The following GRIN2B variants were observed in gnomAD, a reference collection of about 807,000 sequenced individuals.
GRIN2B encodes glutamate receptor ionotropic, NMDA 2B.
Under a neutral mutation model 114.5 loss-of-function variants are expected in GRIN2B, and 5 were observed. The ratio of observed to expected loss-of-function variants is 0.04; its 90% CI spans 0.02 to 0.09. GRIN2B has a LOEUF of 0.09. Among genes scored for constraint, GRIN2B ranks in the 10% least tolerant of loss-of-function variants. The pLI is 1.00. For synonymous variants in GRIN2B, 787 were observed against 745.1 expected (o/e 1.06, Z -0.92); for missense variants, 1,108 against 1,943.5 (o/e 0.57, Z 8.08).
At chr12:13,875,984 T>C (rs1022160980) in intron 2 of GRIN2B, among the ~76,000 whole-genome samples, 23 of 152,148 alleles carry the variant, frequency 1.5e-4, no homozygotes, top group Non-Finnish European at 1.5e-5. Context: ...TACAGTATCA[T>C]GTGAGAGGGC....
At chr12:13,608,893 T>C (rs1555110896) in intron 9 of GRIN2B, 61 bp from the exon 10 acceptor site, 1 of 1,208,874 alleles carries the variant, frequency 8.3e-7, no homozygotes, top group Non-Finnish European at 1.2e-6. Flanking sequence ...TGTTGAAACC[T>C]ACAAATACAC....
intron 2 of GRIN2B, among the ~76,000 whole-genome samples, chr12:13,940,707 G>GT (rs1266475441): frequency 6.6e-6 from 1 of 151,640 alleles, no homozygotes; most frequent in Admixed American, 6.6e-5. Flanking sequence ...GAAATAACAG[G>GT]TGGCCTGGCT....
chr12:13,855,582 G>A lies in GRIN2B; in HGVS notation c.411+10216C>T, dbSNP rs533603730. 6.6e-5 allele frequency among the ~76,000 whole-genome samples: 10 copies of A among 152,186 alleles called. No individual in the cohort carries two copies. In the East Asian group the frequency reaches 1.2e-3, roughly 18 times the overall value. The stretch of plus-strand genomic sequence containing the variant: ...TTCCTTGCCTCTTCCAGTTTCTGGC[G>A]GCTTTCCTAGCTTGTAGCTCAACAA... On this transcript the variant is annotated intron_variant, in intron 3 of 13. Coordinates refer to ENST00000609686, the MANE Select transcript of GRIN2B (RefSeq NM_000834.5).
intron 2 of GRIN2B, among the ~76,000 whole-genome samples, chr12:13,921,958 C>G (rs930242906): frequency 4.6e-5 from 7 of 152,120 alleles, no homozygotes; most frequent in African/African-American, 1.7e-4. Context: ...AAATATGCAA[C>G]CTTGACCAAG....
chr12:13,825,357 G>A (rs1404319549), intron 3 of GRIN2B, among the ~76,000 whole-genome samples: 1 of 150,718 alleles, frequency 6.6e-6, no homozygotes, highest in Non-Finnish European at 1.5e-5. Flanking sequence ...TTTCTACCTT[G>A]GTAAATATAA....
intron 5 of GRIN2B, among the ~76,000 whole-genome samples, chr12:13,650,229 C>T (rs1949800651): frequency 6.6e-6 from 1 of 152,042 alleles, no homozygotes; most frequent in Admixed American, 6.6e-5. Flanking sequence ...TGGACACTCC[C>T]TTCATATGAA....
At chr12:13,565,233 C>T (rs937483985) in intron 13 of GRIN2B, among the ~76,000 whole-genome samples, 1 of 152,102 alleles carries the variant, frequency 6.6e-6, no homozygotes, top group African/African-American at 2.4e-5. Flanking sequence ...CAAGCATGAA[C>T]AAAATTCACA....
rs1038313553 is a variant in GRIN2B, at chr12:13,547,752, C to A, written c.*15031G>T. The A allele has an allele frequency of 6.6e-6, 1 of 151,772 alleles. No homozygotes were observed. The highest frequency in any genetic ancestry group is 2.4e-5 in the African/African-American group (1 of 41,360). The allele number at this position is 151,772 out of a possible 1,614,324, so 9.4% of individuals were successfully genotyped here. A position where few individuals can be genotyped will look rare whatever the true frequency, so the allele number is the denominator to read the frequency against. On this transcript the variant is annotated 3_prime_UTR_variant, in exon 14 of 14. Coordinates refer to ENST00000609686, the MANE Select transcript of GRIN2B (RefSeq NM_000834.5). ...ACTGAAGTAAAGACACTGTAAATCT[C>A]AAAAATACTCCAACTTCCCTGATTC...
At chr12:13,772,528 C>A (rs553836498) in intron 3 of GRIN2B, among the ~76,000 whole-genome samples, 52 of 152,272 alleles carry the variant, frequency 3.4e-4, no homozygotes, top group African/African-American at 1.1e-3. Context: ...ACAGTGTACT[C>A]GCTGAAGTAT....
At position 13,573,446 on chromosome 12, in the gene GRIN2B, G is replaced by A. The variant is rs1202417801; in HGVS notation, c.2011-1482C>T. Among the ~76,000 whole-genome samples the A allele has an allele frequency of 4.0e-5, 6 of 149,120 alleles. 1 individual carries two copies. Among genetic ancestry groups the A allele is most frequent in the South Asian group, 4.2e-4 (2 of 4,796 alleles). On this transcript the variant is annotated intron_variant, in intron 10 of 13. Coordinates refer to ENST00000609686, the MANE Select transcript of GRIN2B (RefSeq NM_000834.5). ...AGCCTGGGCTACACAGAGAGACTCC[G>A]TCTCAAAAATAAAGTGCTTGGCACA... is the stretch of plus-strand genomic sequence containing the variant.
In GRIN2B at chr12:13,561,214, A is replaced by G. The variant is rs199869332; in HGVS notation, c.*1569T>C. 6.6e-6 allele frequency: 1 copy of G among 151,994 alleles called. No homozygotes were observed. Among genetic ancestry groups the G allele is most frequent in the Non-Finnish European group, 1.5e-5 (1 of 68,006 alleles). 9.4% of individuals were successfully genotyped at this position (151,994 alleles called of 1,614,324 possible). ...CATGTATATCTTTTTTTATTCCTCA[A>G]TGGTACAATCTGAGAGGGAAACAAG... is the stretch of plus-strand genomic sequence containing the variant. On this transcript the variant is annotated 3_prime_UTR_variant, in exon 14 of 14. Transcript: ENST00000609686.
chr12:13,878,825 A>G (rs1274216589), intron 2 of GRIN2B, among the ~76,000 whole-genome samples: 2 of 152,232 alleles, frequency 1.3e-5, no homozygotes, highest in Admixed American at 1.3e-4. Context: ...GGGAGCCAGC[A>G]TTTTGAGAAT....
At position 13,559,667 on chromosome 12, in the gene GRIN2B, A is replaced by G. The variant is rs1170594482; in HGVS notation, c.*3116T>C. 6.6e-6 allele frequency: 1 copy of G among 152,204 alleles called. No individual in the cohort carries two copies. Among genetic ancestry groups the G allele is most frequent in the African/African-American group, 2.4e-5 (1 of 41,438 alleles). 9.4% of individuals were successfully genotyped at this position (152,204 alleles called of 1,614,324 possible). On this transcript the variant is annotated 3_prime_UTR_variant, in exon 14 of 14. Coordinates refer to ENST00000609686, the MANE Select transcript of GRIN2B (RefSeq NM_000834.5). ...TTCTAGAAAAGCATGCAAATTTGTA[A>G]GACACATATCCAGCACTACCTCTCT...
chr12:13,596,029 GAA>G (rs552457574), intron 10 of GRIN2B, among the ~76,000 whole-genome samples: 2 of 136,970 alleles, frequency 1.5e-5, no homozygotes, highest in South Asian at 2.3e-4. Flanking sequence ...TTTTCTGTAA[GAA>G]AAAAAAAAAA....
At chr12:13,639,755 T>C (rs537065776) in intron 5 of GRIN2B, among the ~76,000 whole-genome samples, 1 of 152,230 alleles carries the variant, frequency 6.6e-6, no homozygotes, top group African/African-American at 2.4e-5. Flanking sequence ...AGCCTTTATT[T>C]CCTCTCTTTC....
rs1443946160 is a variant in GRIN2B, at chr12:13,559,822, G to A, written c.*2961C>T. 2 of 152,208 alleles carry A rather than the reference G, an allele frequency of 1.3e-5. No homozygotes were observed. The highest frequency in any genetic ancestry group is 4.8e-5 in the African/African-American group (2 of 41,444). The allele number at this position is 152,208 out of a possible 1,614,324, so 9.4% of individuals were successfully genotyped here. A position where few individuals can be genotyped will look rare whatever the true frequency, so the allele number is the denominator to read the frequency against. On this transcript the variant is annotated 3_prime_UTR_variant, in exon 14 of 14. Coordinates refer to ENST00000609686, the MANE Select transcript of GRIN2B (RefSeq NM_000834.5). ...AGCGCCCAGGTCCTAAAGAAGAAAA[G>A]ACTCAGATGACTGAGACGATTGTTT...
intron 3 of GRIN2B, among the ~76,000 whole-genome samples, chr12:13,795,378 A>G (rs1864401179): frequency 6.6e-6 from 1 of 151,676 alleles, no homozygotes; most frequent in Admixed American, 6.6e-5. Flanking sequence ...CAGTGGCGAA[A>G]AAAAAAAACG....
intron 4 of GRIN2B, among the ~76,000 whole-genome samples, chr12:13,739,829 T>C (rs538140715): frequency 6.6e-6 from 1 of 152,272 alleles, no homozygotes; most frequent in East Asian, 1.9e-4. Flanking sequence ...TAAATCATGC[T>C]ATGAAGAGGA....
intron 10 of GRIN2B, among the ~76,000 whole-genome samples, chr12:13,596,952 A>C (rs570145181): frequency 6.6e-6 from 1 of 152,308 alleles, no homozygotes; most frequent in African/African-American, 2.4e-5. Context: ...CTCTAGAAGC[A>C]TGCCCTACTT....
Sources: gnomAD v4.1 joint callset for allele counts (sites outside exome capture counted in the v4.1 genomes callset) on GRCh38, gnomAD v4.1.1 for gene constraint, MANE v1.5 for transcripts, NCBI Gene and HGNC (gene_info 2026-07-23, HGNC 2026-07-21) for gene names.